SLC12A6: variants seen among roughly 807,000 people sequenced by gnomAD.
SLC12A6 encodes K-Cl cotransporter 3.
SLC12A6 carries 66 observed loss-of-function variants against 135.3 expected under a neutral mutation model. The observed-to-expected ratio is 0.49, with a 90% CI of 0.40 to 0.60. The LOEUF (loss-of-function observed/expected upper bound fraction) is 0.60, where lower values mean the gene tolerates loss of function less well. Ranked by LOEUF, SLC12A6 falls within the 20% of genes least tolerant of loss-of-function variation. The probability of loss-of-function intolerance (pLI) is 0.00; values close to 1 mark genes in which losing one functional copy is unlikely to be tolerated. For synonymous variants in SLC12A6, 513 were observed against 508.8 expected (o/e 1.01, Z -0.11); for missense variants, 1,058 against 1,452.3 (o/e 0.73, Z 4.41).
intron 9 of SLC12A6, among the ~76,000 whole-genome samples, chr15:34,253,915 T>C (rs2036510925): frequency 6.6e-6 from 1 of 152,174 alleles, no homozygotes; most frequent in African/African-American, 2.4e-5. Flanking sequence ...ATTTGGGTAA[T>C]GGATAAAAGC....
rs540756748 is a variant in SLC12A6, at chr15:34,280,469, T to C, written c.272-5080A>G. ...TTAACACGTAAGGCATTTCTAACTT[T>C]CTTAACTCCCAGTTTTTAAAAAAAC... On this transcript the variant is annotated intron_variant, in intron 2 of 25. Coordinates refer to ENST00000354181, the MANE Select transcript of SLC12A6 (RefSeq NM_001365088.1). Among the ~76,000 whole-genome samples, 19 of 152,284 alleles carry C rather than the reference T, an allele frequency of 1.2e-4. No individual in the cohort carries two copies. The South Asian group carries it at 3.9e-3, about 32-fold the overall frequency.
At chr15:34,268,917 C>T (rs1202763633) in intron 3 of SLC12A6, among the ~76,000 whole-genome samples, 1 of 151,430 alleles carries the variant, frequency 6.6e-6, no homozygotes, top group African/African-American at 2.4e-5. Flanking sequence ...AGTGCAGTGG[C>T]ACAATCTCAG....
At chr15:34,333,862 G>C (rs1337174797) in intron 2 of SLC12A6, among the ~76,000 whole-genome samples, 1 of 152,046 alleles carries the variant, frequency 6.6e-6, no homozygotes, top group Admixed American at 6.5e-5. Flanking sequence ...CCTGAGGTCA[G>C]GAGTTTGAGA....
intron 3 of SLC12A6, among the ~76,000 whole-genome samples, chr15:34,261,331 A>C (rs956004916): frequency 6.6e-6 from 1 of 151,896 alleles, no homozygotes; most frequent in Admixed American, 6.6e-5. Context: ...TGGAGCTGCT[A>C]TGCCGCCCAG....
At chr15:34,267,396 A>T (rs1349643037) in intron 3 of SLC12A6, among the ~76,000 whole-genome samples, 2 of 152,226 alleles carry the variant, frequency 1.3e-5, no homozygotes. Context: ...TTCTTGAGGT[A>T]TATTCCTTAG....
chr15:34,310,454 G>A (rs189199089), intron 2 of SLC12A6, among the ~76,000 whole-genome samples: 17 of 79,992 alleles, frequency 2.1e-4, no homozygotes, highest in East Asian at 7.9e-4. Flanking sequence ...TGTCCAGGCT[G>A]GTGTTGAACT....
intron 4 of SLC12A6, among the ~76,000 whole-genome samples, chr15:34,260,449 G>A (rs1334565095): frequency 3.3e-5 from 5 of 151,540 alleles, no homozygotes; most frequent in South Asian, 2.1e-4. Context: ...TAGTAGAGAC[G>A]GGGTTTCACC....
chr15:34,248,568 C>CCACACA (rs34055235), intron 13 of SLC12A6, among the ~76,000 whole-genome samples: 74 of 149,470 alleles, frequency 5.0e-4, no homozygotes, highest in African/African-American at 1.5e-3. Flanking sequence ...ACACCCCCAC[C>CCACACA]CACACACACA....
intron 13 of SLC12A6, among the ~76,000 whole-genome samples, chr15:34,248,011 C>T (rs1892119835): frequency 6.6e-6 from 1 of 152,134 alleles, no homozygotes. Flanking sequence ...AGCCCTCTGA[C>T]TTTGAATACT....
At chr15:34,276,312 C>G (rs1894294534) in intron 2 of SLC12A6, among the ~76,000 whole-genome samples, 1 of 152,064 alleles carries the variant, frequency 6.6e-6, no homozygotes, top group Non-Finnish European at 1.5e-5. Flanking sequence ...AAATAAAGCA[C>G]TTATTACTAT....
intron 2 of SLC12A6, among the ~76,000 whole-genome samples, chr15:34,311,777 C>CG: frequency 6.6e-6 from 1 of 152,314 alleles, no homozygotes; most frequent in East Asian, 1.9e-4. Flanking sequence ...TATCTCTTTA[C>CG]CACATGCCCA....
At chr15:34,318,531 G>T in intron 2 of SLC12A6, 1 of 1,577,840 alleles carries the variant, frequency 6.3e-7, no homozygotes. Flanking sequence ...CATTTTATAG[G>T]TTCCAAAAGC....
rs979510475 is a variant in SLC12A6, at chr15:34,312,503, T to A, written c.271+23907A>T. ...GGAGAGAATCAAGTAAACAGATTAT[T>A]ATAATACAGTGTGTGGTTAAGTACT... On this transcript the variant is annotated intron_variant, in intron 2 of 25. Transcript: ENST00000354181. Among the ~76,000 whole-genome samples, 4 of 152,170 alleles carry A rather than the reference T, an allele frequency of 2.6e-5. No homozygotes were observed. In the East Asian group the frequency reaches 7.7e-4, roughly 29 times the overall value.
chr15:34,275,617 C>T (rs1478931494), intron 2 of SLC12A6, among the ~76,000 whole-genome samples: 1 of 152,108 alleles, frequency 6.6e-6, no homozygotes, highest in Admixed American at 6.6e-5. Context: ...CCTAATTATA[C>T]TTCCAAAATA....
At position 34,307,824 on chromosome 15, in the gene SLC12A6, C is replaced by A. The variant is rs80092937; in HGVS notation, c.271+28586G>T. On this transcript the variant is annotated intron_variant, in intron 2 of 25. Transcript: ENST00000354181. ...CAATGAAGTAAGGGGAAGATGGAGA[C>A]AACTTTTAGGGCTTTTACTATAGGT... Among the ~76,000 whole-genome samples the A allele has an allele frequency of 9.7e-3, 1,470 of 152,222 alleles. 20 individuals carry two copies. The highest frequency in any genetic ancestry group is 0.034 in the African/African-American group (1,424 of 41,524).
Position 34,336,582 on chromosome 15 carries a change from C to A in SLC12A6, c.99G>T (p.Pro33=). The A allele has an allele frequency of 1.9e-6, 3 of 1,613,782 alleles. No individual in the cohort carries two copies. The highest frequency in any genetic ancestry group is 1.7e-6 in the Non-Finnish European group (2 of 1,179,768). Residue 33 remains proline, a synonymous_variant, in exon 2 of 26, where the codon CCG becomes CCT. Coordinates refer to ENST00000354181, the MANE Select transcript of SLC12A6 (RefSeq NM_001365088.1). ...GGGAACTAGATCGAGAGCTGAGGTC[C>A]GGACTGGTGTCTGACAAACCTGGAA... ...DDIPGLSDTS[P]DLSSRSSSRV...
rs1890954915 is a variant in SLC12A6, at chr15:34,231,688, C to A, written c.*2193G>T. On this transcript the variant is annotated 3_prime_UTR_variant, in exon 26 of 26. Transcript: ENST00000354181. ...CACTGCAAGTTCCACCTCCCGGGTT[C>A]ACGCCATTCTCCCGCCTCAGCCTCC... The A allele has an allele frequency of 6.6e-6, 1 of 150,912 alleles. No homozygotes were observed. Among genetic ancestry groups the A allele is most frequent in the Non-Finnish European group, 1.5e-5 (1 of 67,864 alleles). The allele number at this position is 150,912 out of a possible 1,614,324, so 9.3% of individuals were successfully genotyped here.
chr15:34,277,070 A>G (rs2140896210), intron 2 of SLC12A6, among the ~76,000 whole-genome samples: 1 of 152,226 alleles, frequency 6.6e-6, no homozygotes, highest in Middle Eastern at 3.4e-3. Flanking sequence ...ATTCTAGAAT[A>G]TTTTCCCCAA....
chr15:34,324,479 AAT>A (rs1463336512), intron 2 of SLC12A6, among the ~76,000 whole-genome samples: 1 of 152,146 alleles, frequency 6.6e-6, no homozygotes, highest in African/African-American at 2.4e-5. Flanking sequence ...ACCTGCTAAA[AAT>A]AGTTAGCATG....
Sources: gnomAD v4.1 joint callset for allele counts (sites outside exome capture counted in the v4.1 genomes callset) on GRCh38, gnomAD v4.1.1 for gene constraint, MANE v1.5 for transcripts, NCBI Gene and HGNC (gene_info 2026-07-23, HGNC 2026-07-21) for gene names.